Variants in FSTL4 observed in about 807,000 individuals in gnomAD.
The protein encoded by FSTL4 is follistatin like 4.
FSTL4 carries 28 observed loss-of-function variants against 78.2 expected under a neutral mutation model. The ratio of observed to expected loss-of-function variants is 0.36; its 90% CI spans 0.27 to 0.49. The LOEUF (loss-of-function observed/expected upper bound fraction) is 0.49. FSTL4 is among the 20% of genes least tolerant of loss of function. The pLI is 0.98. For synonymous variants in FSTL4, 422 were observed against 440.5 expected (o/e 0.96, Z 0.53); for missense variants, 922 against 1,084.9 (o/e 0.85, Z 2.11).
At chr5:133,652,634 T>C in the FSTL4 span, among the ~76,000 whole-genome samples, 11 of 152,330 alleles carry the variant, frequency 7.2e-5, no homozygotes, top group South Asian at 1.5e-3. Context: ...CATTGTATGA[T>C]TCCCATTCTC....
At chr5:133,805,140 T>C in the FSTL4 span, among the ~76,000 whole-genome samples, 115 of 151,682 alleles carry the variant, frequency 7.6e-4, 1 homozygote, top group African/African-American at 2.8e-3. Context: ...CTTCATCCAC[T>C]TCACCCACCT....
chr5:133,318,723 C>T (rs1273099021), intron 4 of FSTL4, among the ~76,000 whole-genome samples: 1 of 152,252 alleles, frequency 6.6e-6, no homozygotes, highest in Non-Finnish European at 1.5e-5. Flanking sequence ...GAAGAACATG[C>T]TGCAGCAGGG....
intron 3 of FSTL4, among the ~76,000 whole-genome samples, chr5:133,516,475 A>G (rs746476581): frequency 2.0e-5 from 3 of 152,218 alleles, no homozygotes; most frequent in Non-Finnish European, 4.4e-5. Flanking sequence ...GAAGAAAATG[A>G]CAGAAATTTA....
At chr5:133,696,437 A>G in the FSTL4 span, among the ~76,000 whole-genome samples, 1 of 151,808 alleles carries the variant, frequency 6.6e-6, no homozygotes, top group African/African-American at 2.4e-5. Flanking sequence ...GCTCATGTTC[A>G]CCCTGACCCT....
At chr5:133,501,930 G>A (rs1031286586) in intron 3 of FSTL4, among the ~76,000 whole-genome samples, 10 of 152,270 alleles carry the variant, frequency 6.6e-5, no homozygotes, top group African/African-American at 2.4e-4. Context: ...ACACCACAGA[G>A]AGGAGAACGC....
chr5:133,508,007 TC>T (rs1335345645), intron 3 of FSTL4, among the ~76,000 whole-genome samples: 1 of 152,170 alleles, frequency 6.6e-6, no homozygotes, highest in Non-Finnish European at 1.5e-5. Flanking sequence ...TTGCCGGATG[TC>T]ATCATTGTGC....
intron 6 of FSTL4, among the ~76,000 whole-genome samples, chr5:133,310,918 G>C (rs6596121): frequency 0.61 from 92,354 of 152,028 alleles, 28,493 homozygotes; most frequent in Middle Eastern, 0.68. Context: ...TCTCAGTGAG[G>C]GGAGGTGGGT....
At chr5:133,629,009 T>C in the FSTL4 span, among the ~76,000 whole-genome samples, 1 of 140,632 alleles carries the variant, frequency 7.1e-6, no homozygotes, top group African/African-American at 2.7e-5. Context: ...CGATACTATG[T>C]TGAATAGAAG....
intron 3 of FSTL4, among the ~76,000 whole-genome samples, chr5:133,506,569 A>T (rs1169788071): frequency 6.6e-6 from 1 of 152,182 alleles, no homozygotes; most frequent in Admixed American, 6.5e-5. Context: ...ACTTATTCAT[A>T]TGGTTCATAT....
chr5:133,449,166 C>A (rs555720599), intron 3 of FSTL4, among the ~76,000 whole-genome samples: 23 of 152,208 alleles, frequency 1.5e-4, no homozygotes, highest in Non-Finnish European at 2.9e-4. Flanking sequence ...TGTGCCCCTG[C>A]GTCTGTGCAC....
Position 133,199,321 on chromosome 5 carries a change from G to C in FSTL4, c.2303C>G (p.Thr768Arg), listed in dbSNP as rs1452356941. The change falls in exon 16 of 16, where the codon ACG becomes AGG. Residue 768 changes from threonine to arginine, a missense_variant. By Grantham distance (71) the Thr-to-Arg change is moderately conservative. Transcript: ENST00000265342. The surrounding 1 kb of genome is among the most constrained non-coding windows in gnomAD (Gnocchi z 4.4). ...EPDLLFLELS[T>R]GKVGMLKNLK... is the part of the protein sequence containing the mutation. ...GTTCTTCAGCATGCCCACCTTCCCC[G>C]TGGACAGCTCCAGGAACAGCAGGTC... The C allele has an allele frequency of 6.2e-7, 1 of 1,613,924 alleles. No homozygotes were observed. Among genetic ancestry groups the C allele is most frequent in the Non-Finnish European group, 8.5e-7 (1 of 1,179,948 alleles).
At chr5:133,509,923 T>G (rs1758690291) in intron 3 of FSTL4, among the ~76,000 whole-genome samples, 1 of 152,222 alleles carries the variant, frequency 6.6e-6, no homozygotes, top group Non-Finnish European at 1.5e-5. Context: ...CATGCACGTG[T>G]TCACTGACCA....
At chr5:133,331,397 T>C (rs970577704) in intron 4 of FSTL4, among the ~76,000 whole-genome samples, 1 of 152,146 alleles carries the variant, frequency 6.6e-6, no homozygotes, top group African/African-American at 2.4e-5. Context: ...GGTCCTCTGA[T>C]GTGAGGGGTG....
intron 1 of FSTL4, among the ~76,000 whole-genome samples, chr5:133,607,478 A>G (rs1264488734): frequency 3.9e-5 from 6 of 152,140 alleles, no homozygotes; most frequent in Non-Finnish European, 2.9e-5. Context: ...ATTATCCCTC[A>G]ATCAGATGAA....
chr5:133,228,720 CAATAA>C (rs1420082385), intron 8 of FSTL4, among the ~76,000 whole-genome samples: 1 of 150,634 alleles, frequency 6.6e-6, no homozygotes, highest in Admixed American at 6.6e-5. Flanking sequence ...GAAAATCCCT[CAATAA>C]AATAGGAACA....
intron 4 of FSTL4, among the ~76,000 whole-genome samples, chr5:133,386,799 C>T (rs1338254183): frequency 6.6e-6 from 1 of 152,190 alleles, no homozygotes; most frequent in East Asian, 1.9e-4. Context: ...ACGAAGCCCT[C>T]ACCCTGTGTT....
chr5:133,812,046 C>T, the FSTL4 span, among the ~76,000 whole-genome samples: 1 of 152,210 alleles, frequency 6.6e-6, no homozygotes, highest in Non-Finnish European at 1.5e-5. Flanking sequence ...ATTCAAGTAT[C>T]CAGCTGCTCA....
At chr5:133,807,088 C>A in the FSTL4 span, among the ~76,000 whole-genome samples, 2 of 152,218 alleles carry the variant, frequency 1.3e-5, no homozygotes, top group Admixed American at 1.3e-4. Context: ...CTCCTTACAA[C>A]AATAGCACAA....
intron 3 of FSTL4, among the ~76,000 whole-genome samples, chr5:133,432,174 G>C (rs1005759933): frequency 1.3e-5 from 2 of 152,140 alleles, no homozygotes; most frequent in African/African-American, 2.4e-5. Flanking sequence ...AAATAGATTA[G>C]AAAACAGAGG....
Sources: gnomAD v4.1 joint callset for allele counts (sites outside exome capture counted in the v4.1 genomes callset) on GRCh38, gnomAD v4.1.1 for gene constraint, Gnocchi (gnomAD v3.1) non-coding constraint, MANE v1.5 for transcripts, NCBI Gene and HGNC (gene_info 2026-07-23, HGNC 2026-07-21) for gene names.